Variants in PHLDB2 observed in about 807,000 individuals in gnomAD.
The protein encoded by PHLDB2 is pleckstrin homology-like domain family B member 2.
Under a neutral mutation model 123.6 loss-of-function variants are expected in PHLDB2, and 71 were observed. The observed-to-expected ratio is 0.57, with a 90% CI of 0.47 to 0.70. The LOEUF (loss-of-function observed/expected upper bound fraction) is 0.70. PHLDB2 is among the 30% of genes least tolerant of loss of function. The pLI, the probability that PHLDB2 is intolerant of heterozygous loss-of-function variation, is 0.00. For missense variants in PHLDB2, 1,446 were observed against 1,519.5 expected, an observed-to-expected ratio of 0.95 and a Z score of 0.80; for synonymous variants, 547 against 541.6, an observed-to-expected ratio of 1.01 and a Z score of -0.14.
intron 2 of PHLDB2, among the ~76,000 whole-genome samples, chr3:111,911,133 G>A (rs1375147516): frequency 6.6e-6 from 1 of 152,230 alleles, no homozygotes; most frequent in Non-Finnish European, 1.5e-5. Context: ...GGAAGGCCAT[G>A]TGGGAGGAAT....
At chr3:111,916,005 T>A (rs922664017) in intron 3 of PHLDB2, 1 of 152,240 alleles carries the variant, frequency 6.6e-6, no homozygotes, top group Non-Finnish European at 1.5e-5. Context: ...TCTTCCTTTA[T>A]GGAGATCTGC....
intron 5 of PHLDB2, among the ~76,000 whole-genome samples, chr3:111,920,795 A>C (rs540748951): frequency 6.6e-6 from 1 of 152,052 alleles, no homozygotes; most frequent in Non-Finnish European, 1.5e-5. Flanking sequence ...CCCTGTAGGG[A>C]TGGCTTAAGC....
intron 10 of PHLDB2, among the ~76,000 whole-genome samples, chr3:111,951,360 C>A (rs775481832): frequency 6.6e-6 from 1 of 152,024 alleles, no homozygotes; most frequent in African/African-American, 2.4e-5. Context: ...AATGAGATAA[C>A]GTATATAAAC....
At chr3:111,955,396 C>T (rs2070993466) in intron 12 of PHLDB2, among the ~76,000 whole-genome samples, 1 of 151,896 alleles carries the variant, frequency 6.6e-6, no homozygotes, top group African/African-American at 2.4e-5. Context: ...TCTCATTTAT[C>T]ACTGTTAAGT....
intron 1 of PHLDB2, among the ~76,000 whole-genome samples, chr3:111,835,593 A>C (rs987318713): frequency 6.6e-6 from 1 of 152,162 alleles, no homozygotes; most frequent in Non-Finnish European, 1.5e-5. Flanking sequence ...TAAAACAATG[A>C]CAGTATTTAT....
rs1335824459 is a variant in PHLDB2, at chr3:111,939,514, G to A, written c.2170G>A (p.Asp724Asn). The A allele has an allele frequency of 3.1e-6, 5 of 1,613,550 alleles. No homozygotes were observed. Reference protein sequence around the residue: ...LLDVESKHFEDLEFQQLEHES... With the variant: ...LLDVESKHFENLEFQQLEHES... ...GGATGTTGAAAGCAAACACTTTGAA[G>A]ACCTGGAGTTCCAGCAGCTTGAACA... Residue 724 changes from aspartate (D) to asparagine (N), a missense_variant, in exon 7 of 18, where the codon GAC becomes AAC. By Grantham distance (23) the Asp-to-Asn change is conservative. Around this residue, in one of 3 missense-constraint regions of PHLDB2, gnomAD observed 20 missense variants for 41.6 expected, o/e 0.48. Transcript: ENST00000431670.
At chr3:111,834,134 T>TATATATTA (rs1559857968) in intron 1 of PHLDB2, among the ~76,000 whole-genome samples, 3 of 21,704 alleles carry the variant, frequency 1.4e-4, no homozygotes, top group African/African-American at 4.3e-4. Context: ...TATATATATA[T>TATATATTA]TATATGTAAT....
intron 1 of PHLDB2, among the ~76,000 whole-genome samples, chr3:111,819,058 C>T (rs1437902762): frequency 1.3e-5 from 2 of 152,154 alleles, no homozygotes; most frequent in Admixed American, 1.3e-4. Context: ...TAAGGACACT[C>T]TTCCTGGCTT....
intron 1 of PHLDB2, among the ~76,000 whole-genome samples, chr3:111,760,209 A>G (rs2059969526): frequency 1.3e-5 from 2 of 152,246 alleles, no homozygotes; most frequent in Non-Finnish European, 2.9e-5. Context: ...CCAGAGAGCA[A>G]TATAAAGTGC....
Position 111,949,865 on chromosome 3 carries a change from GGCA to G in PHLDB2, c.2631+804_2631+806del, listed in dbSNP as rs942366174. 2.0e-5 allele frequency: 20 copies of G among 985,386 alleles called. No individual in the cohort carries two copies. In the African/African-American group the frequency reaches 2.1e-4, roughly 10 times the overall value. The allele number at this position is 985,386 out of a possible 1,614,324, so 61.0% of individuals were successfully genotyped here. ...CCTTTACCAGCTAAGAAACACAGAA[GGCA>G]GCAGCAGCAGCAGGAGCAACAGGTA... is the stretch of plus-strand genomic sequence containing the variant. On this transcript the variant is annotated intron_variant, in intron 10 of 17. Transcript: ENST00000431670.
chr3:111,954,104 A>G (rs543017751), intron 12 of PHLDB2, 75 bp downstream of exon 12: 22 of 1,340,138 alleles, frequency 1.6e-5, no homozygotes, highest in African/African-American at 8.7e-5. Flanking sequence ...AAGTGAGAAC[A>G]GGGGTAGGGA....
intron 6 of PHLDB2, among the ~76,000 whole-genome samples, chr3:111,932,770 T>G (rs896110276): frequency 2.0e-5 from 3 of 152,232 alleles, no homozygotes; most frequent in African/African-American, 7.2e-5. Flanking sequence ...AATGTTTTGT[T>G]CTTTAGCTTG....
chr3:111,884,145 T>G lies in PHLDB2; in HGVS notation c.68T>G (p.Val23Gly). ...LQNGSLEEDSVVHSVENDSQN... is the reference protein window; with the variant it reads ...LQNGSLEEDSGVHSVENDSQN... ...AATGGTAGCTTAGAGGAAGACTCTG[T>G]GGTGCATTCTGTTGAGAACGATTCC... The change falls in exon 2 of 18, where the codon GTG (valine) becomes GGG (glycine). Residue 23 changes from valine to glycine, a missense_variant. Val to Gly is a moderately radical substitution (Grantham distance 109, BLOSUM62 -3). Around this residue, in one of 3 missense-constraint regions of PHLDB2, gnomAD observed 832 missense variants for 831.9 expected, o/e 1.00. Coordinates refer to ENST00000431670, the MANE Select transcript of PHLDB2 (RefSeq NM_001134438.2). 1 of 1,614,170 alleles carries G rather than the reference T, an allele frequency of 6.2e-7. No individual in the cohort carries two copies. The highest frequency in any genetic ancestry group is 8.5e-7 in the Non-Finnish European group (1 of 1,179,992).
At position 111,775,265 on chromosome 3, in the gene PHLDB2, G is replaced by A. The variant is rs138919670; in HGVS notation, c.-49+42562G>A. On this transcript the variant is annotated intron_variant, in intron 1 of 17. Transcript: ENST00000393923. ...GGACTATCATTTTGCTAGATGCAGGGTTGGTCCACACCCTTAGAAAACAAA... is the reference window on the plus strand; with the variant it reads ...GGACTATCATTTTGCTAGATGCAGGATTGGTCCACACCCTTAGAAAACAAA... 5.4e-3 allele frequency among the ~76,000 whole-genome samples: 815 copies of A among 152,222 alleles called. 5 individuals carry two copies. The highest frequency in any genetic ancestry group is 0.014 in the Middle Eastern group (4 of 294).
At chr3:111,964,814 A>G (rs2071643548) in intron 13 of PHLDB2, among the ~76,000 whole-genome samples, 1 of 152,162 alleles carries the variant, frequency 6.6e-6, no homozygotes, top group South Asian at 2.1e-4. Flanking sequence ...ATCTAAATAA[A>G]CATTGACTAT....
intron 1 of PHLDB2, among the ~76,000 whole-genome samples, chr3:111,806,649 C>G (rs2061602851): frequency 6.6e-6 from 1 of 151,982 alleles, no homozygotes; most frequent in African/African-American, 2.4e-5. Flanking sequence ...GCACACCTGG[C>G]TAATTTTTGT....
At chr3:111,867,518 C>G (rs765533269) in intron 1 of PHLDB2, among the ~76,000 whole-genome samples, 9 of 151,920 alleles carry the variant, frequency 5.9e-5, no homozygotes, top group Non-Finnish European at 1.2e-4. Flanking sequence ...CTCACTTTAC[C>G]CTAAAACATG....
At chr3:111,773,605 C>T (rs1243443464) in intron 1 of PHLDB2, among the ~76,000 whole-genome samples, 2 of 152,202 alleles carry the variant, frequency 1.3e-5, no homozygotes, top group Non-Finnish European at 2.9e-5. Flanking sequence ...TCTCCTGAGA[C>T]AGAGACAACG....
intron 2 of PHLDB2, among the ~76,000 whole-genome samples, chr3:111,891,744 A>AT (rs981379486): frequency 7.2e-5 from 11 of 152,158 alleles, no homozygotes; most frequent in African/African-American, 2.7e-4. Flanking sequence ...GTCATTATAA[A>AT]GTAGGGTATT....
Sources: allele counts gnomAD v4.1 joint callset (sites outside exome capture counted in the v4.1 genomes callset), GRCh38; gene constraint gnomAD v4.1.1; regional missense constraint gnomAD v4.1.1; transcripts MANE v1.5; gene names NCBI Gene and HGNC (gene_info 2026-07-23, HGNC 2026-07-21).